Variants in MON2 observed in about 807,000 individuals in gnomAD.
MON2 encodes the protein protein MON2 homolog.
Under a neutral mutation model 208.6 loss-of-function variants are expected in MON2, and 84 were observed. The ratio of observed to expected loss-of-function variants is 0.40; its 90% CI spans 0.34 to 0.48. The LOEUF is 0.48. MON2 is among the 20% of genes least tolerant of loss of function. MON2 has a pLI of 0.59. For missense variants in MON2, 1,611 were observed against 2,015.4 expected, an observed-to-expected ratio of 0.80 and a Z score of 3.84; for synonymous variants, 660 against 694.0, an observed-to-expected ratio of 0.95 and a Z score of 0.77.
intron 21 of MON2, among the ~76,000 whole-genome samples, chr12:62,546,437 ATGATATT>A (rs923463859): frequency 2.6e-5 from 4 of 152,130 alleles, no homozygotes; most frequent in African/African-American, 9.7e-5. Flanking sequence ...TGTTAGATAA[ATGATATT>A]TGATGTTTAT....
Position 62,535,669 on chromosome 12 carries a change from T to C in MON2, c.1860T>C (p.Thr620=), listed in dbSNP as rs146204905. ...CCCTGCCTCCCCATTATGCTCTTAC[T>C]GTATTGAATACCACCACTGCAGCTA... is the stretch of plus-strand genomic sequence containing the variant. ...KGSLPPHYAL[T]VLNTTTAATL... The change falls in exon 14 of 35, where the codon ACT becomes ACC. Residue 620 remains threonine, a synonymous_variant. Transcript: ENST00000393630. The C allele has an allele frequency of 1.5e-3, 2,429 of 1,612,954 alleles. 3 individuals are homozygous for C. The highest frequency in any genetic ancestry group is 2.1e-3 in the Admixed American group (128 of 59,730).
intron 32 of MON2, among the ~76,000 whole-genome samples, chr12:62,584,864 G>A (rs962922839): frequency 1.3e-5 from 2 of 151,874 alleles, no homozygotes; most frequent in African/African-American, 2.4e-5. Flanking sequence ...TCACGTTCCA[G>A]GAAAGAAGTT....
chr12:62,508,682 G>A (rs2071232838), intron 8 of MON2: 1 of 501,536 alleles, frequency 2.0e-6, no homozygotes. Context: ...TTCATAATGT[G>A]TGAAGCAGAG....
intron 15 of MON2, 59 bp from the exon 16 acceptor site, chr12:62,537,543 G>T: frequency 7.7e-7 from 1 of 1,297,074 alleles, no homozygotes; most frequent in Non-Finnish European, 1.1e-6. Context: ...TACTTTATAA[G>T]CTTTTAATTT....
At chr12:62,589,000 A>G (rs2075308164) in intron 34 of MON2, 6 of 825,348 alleles carry the variant, frequency 7.3e-6, no homozygotes, top group Middle Eastern at 2.3e-4. Context: ...ACAATTATGC[A>G]TGTACATGAC....
At chr12:62,530,623 C>CT (rs1321183262) in intron 11 of MON2, among the ~76,000 whole-genome samples, 1 of 152,110 alleles carries the variant, frequency 6.6e-6, no homozygotes, top group Admixed American at 6.6e-5. Context: ...TATGGAATCA[C>CT]TTTTTTTAAG....
At chr12:62,505,204 A>C (rs1281200215) in intron 7 of MON2, among the ~76,000 whole-genome samples, 1 of 152,236 alleles carries the variant, frequency 6.6e-6, no homozygotes, top group Non-Finnish European at 1.5e-5. Flanking sequence ...CTCCATGGGC[A>C]GAATTTTTAT....
chr12:62,501,777 T>G, intron 7 of MON2, 79 bp downstream of exon 7: 2 of 1,535,056 alleles, frequency 1.3e-6, no homozygotes, highest in Non-Finnish European at 1.8e-6. Context: ...AACGTGTATT[T>G]TTTTTCCACC....
At chr12:62,555,562 C>A (rs924214102) in intron 24 of MON2, among the ~76,000 whole-genome samples, 2 of 152,120 alleles carry the variant, frequency 1.3e-5, no homozygotes, top group African/African-American at 2.4e-5. Context: ...GTAATCCCAA[C>A]ACTTTGGGAG....
intron 21 of MON2, among the ~76,000 whole-genome samples, 170 bp downstream of exon 21, chr12:62,545,178 G>A (rs1297156553): frequency 6.6e-6 from 1 of 151,610 alleles, no homozygotes; most frequent in East Asian, 1.9e-4. Context: ...AGATTTTTAG[G>A]GCTGTTTTCA....
chr12:62,571,578 A>G lies in MON2; in HGVS notation c.4510A>G (p.Lys1504Glu), dbSNP rs866863944. The G allele has an allele frequency of 3.7e-5, 59 of 1,605,964 alleles. No homozygotes were observed. The highest frequency in any genetic ancestry group is 6.7e-5 in the African/African-American group (5 of 74,594). ...ANTFEDFLFT[K>E]SIPPDNLSIQ... is the part of the protein sequence containing the mutation. ...TACTTTTGAAGATTTTCTCTTTACT[A>G]AAAGGTCAGCTCATTCATTTTTAAA... is the stretch of plus-strand genomic sequence containing the variant. Residue 1504 changes from lysine to glutamate, a missense_variant, in exon 30 of 35, where the codon AAA becomes GAA. Lys to Glu is a moderately conservative substitution (Grantham distance 56). Transcript: ENST00000393630.
chr12:62,484,314 C>A, intron 2 of MON2, 81 bp downstream of exon 2: 1 of 899,202 alleles, frequency 1.1e-6, no homozygotes, highest in Non-Finnish European at 1.7e-6. Flanking sequence ...TAAAAGCCAT[C>A]AGTTTTCTGT....
At chr12:62,515,947 A>G (rs930424867) in intron 8 of MON2, among the ~76,000 whole-genome samples, 1 of 152,170 alleles carries the variant, frequency 6.6e-6, no homozygotes, top group Non-Finnish European at 1.5e-5. Context: ...ATTTTTTAAT[A>G]TTGAAAAGAT....
chr12:62,504,420 A>AT (rs931105063), intron 7 of MON2, among the ~76,000 whole-genome samples: 26 of 149,894 alleles, frequency 1.7e-4, no homozygotes, highest in South Asian at 2.1e-4. Flanking sequence ...AATTTTTTGT[A>AT]TTTTTTTTAG....
At chr12:62,487,804 A>G (rs190459001) in intron 2 of MON2, among the ~76,000 whole-genome samples, 30 of 152,312 alleles carry the variant, frequency 2.0e-4, no homozygotes, top group African/African-American at 6.0e-4. Flanking sequence ...GAGGAGATAT[A>G]AAGATGGGTA....
chr12:62,582,964 A>G (rs1468692455), intron 32 of MON2, among the ~76,000 whole-genome samples: 2 of 152,242 alleles, frequency 1.3e-5, no homozygotes, highest in African/African-American at 4.8e-5. Context: ...AGAGTCACTG[A>G]AAACATAAAA....
At chr12:62,576,278 A>T (rs2074777555) in intron 30 of MON2, among the ~76,000 whole-genome samples, 1 of 152,088 alleles carries the variant, frequency 6.6e-6, no homozygotes, top group South Asian at 2.1e-4. Flanking sequence ...ATCCATAGAG[A>T]CAAAGTAGAT....
At chr12:62,570,480 T>C (rs1050691029) in intron 29 of MON2, among the ~76,000 whole-genome samples, 3 of 152,188 alleles carry the variant, frequency 2.0e-5, no homozygotes, top group African/African-American at 7.2e-5. Flanking sequence ...TACAGTCATG[T>C]ACTGCTTAAG....
Position 62,535,548 on chromosome 12 carries a change from A to T in MON2, c.1739A>T (p.Asn580Ile). The T allele has an allele frequency of 6.2e-7, 1 of 1,608,242 alleles. No homozygotes were observed. Among genetic ancestry groups the T allele is most frequent in the Non-Finnish European group, 8.5e-7 (1 of 1,178,232 alleles). ...DASTDEAATE[N>I]ILKAELTMAA... The stretch of plus-strand genomic sequence containing the variant: ...AGCACAGATGAAGCTGCCACTGAGA[A>T]TATTTTAAAAGCTGAACTGACTATG... Residue 580 changes from asparagine to isoleucine, a missense_variant, in exon 14 of 35, where the codon AAT becomes ATT. Asn to Ile is a moderately radical substitution (Grantham distance 149). Transcript: ENST00000393630.
Sources: gnomAD v4.1 joint callset for allele counts (sites outside exome capture counted in the v4.1 genomes callset) on GRCh38, gnomAD v4.1.1 for gene constraint, MANE v1.5 for transcripts, NCBI Gene and HGNC (gene_info 2026-07-23, HGNC 2026-07-21) for gene names.